The following SNAP25 variants were observed in gnomAD, a reference collection of about 807,000 sequenced individuals.
The protein encoded by SNAP25 is synaptosomal-associated protein 25.
Under a neutral mutation model 28.7 loss-of-function variants are expected in SNAP25, and 3 were observed. The ratio of observed to expected loss-of-function variants is 0.10; its 90% CI spans 0.05 to 0.27. SNAP25 has a LOEUF of 0.27. Ranked by LOEUF, SNAP25 falls within the 10% of genes least tolerant of loss-of-function variation. The pLI, the probability that SNAP25 is intolerant of heterozygous loss-of-function variation, is 1.00. For missense variants in SNAP25, 117 were observed against 278.7 expected (o/e 0.42, Z 4.13); for synonymous variants, 61 against 88.1 (o/e 0.69, Z 1.72).
At chr20:10,252,089 G>T (rs2063239730) in intron 1 of SNAP25, among the ~76,000 whole-genome samples, 1 of 152,180 alleles carries the variant, frequency 6.6e-6, no homozygotes, top group South Asian at 2.1e-4. Flanking sequence ...GCCCTGGTTT[G>T]CTCTTGGAAA....
chr20:10,244,729 CT>C (rs2063096624), intron 1 of SNAP25, among the ~76,000 whole-genome samples: 2 of 147,976 alleles, frequency 1.4e-5, no homozygotes, highest in African/African-American at 5.2e-5. Context: ...TTCTTTCTTT[CT>C]CTCTTTTTTT....
chr20:10,263,587 A>G (rs551721644), intron 1 of SNAP25, among the ~76,000 whole-genome samples: 10 of 152,294 alleles, frequency 6.6e-5, no homozygotes, highest in Admixed American at 5.9e-4. Flanking sequence ...GAGAGGAATC[A>G]TTTTGTTTAG....
At chr20:10,300,684 C>T (rs765788163) in intron 7 of SNAP25, among the ~76,000 whole-genome samples, 5 of 152,084 alleles carry the variant, frequency 3.3e-5, no homozygotes, top group African/African-American at 7.2e-5. Context: ...GTACATACTC[C>T]ATGTTAAAAA....
rs142176177 is a variant in SNAP25, at chr20:10,261,328, A to G, written c.-63-14101A>G. Among the ~76,000 whole-genome samples the G allele has an allele frequency of 2.7e-3, 416 of 152,140 alleles. 4 individuals are homozygous for G. In the Middle Eastern group the frequency reaches 0.041, roughly 15 times the overall value. ...TCCCAGGATAAAGGTACCTACACACACCCTAAATGTTCCACTTCTATTCCC... is the reference window on the plus strand; with the variant it reads ...TCCCAGGATAAAGGTACCTACACACGCCCTAAATGTTCCACTTCTATTCCC... On this transcript the variant is annotated intron_variant, in intron 1 of 7. Transcript: ENST00000254976.
At chr20:10,289,598 G>A (rs1366800897) in intron 4 of SNAP25, among the ~76,000 whole-genome samples, 2 of 151,352 alleles carry the variant, frequency 1.3e-5, no homozygotes, top group African/African-American at 4.9e-5. Flanking sequence ...ACTTAGTCAT[G>A]ATAGCCACAT....
At chr20:10,241,690 G>A (rs1020902932) in intron 1 of SNAP25, among the ~76,000 whole-genome samples, 1 of 152,138 alleles carries the variant, frequency 6.6e-6, no homozygotes, top group Non-Finnish European at 1.5e-5. Flanking sequence ...ATCAGGTGTT[G>A]CAGACAGTTC....
At chr20:10,244,860 A>C (rs1475750582) in intron 1 of SNAP25, among the ~76,000 whole-genome samples, 1 of 151,464 alleles carries the variant, frequency 6.6e-6, no homozygotes, top group Non-Finnish European at 1.5e-5. Flanking sequence ...CCTCATGAGT[A>C]GCTGGGATTA....
intron 1 of SNAP25, among the ~76,000 whole-genome samples, chr20:10,238,904 C>CT (rs1164100797): frequency 7.7e-5 from 9 of 117,042 alleles, no homozygotes; most frequent in African/African-American, 5.1e-4. Flanking sequence ...GACTCCGTTT[C>CT]AAATAATAAT....
chr20:10,307,275 A>C lies in SNAP25; in HGVS notation c.*1078A>C, dbSNP rs1402402105. The C allele has an allele frequency of 6.5e-6, 1 of 152,672 alleles. No individual in the cohort carries two copies. Among genetic ancestry groups the C allele is most frequent in the Non-Finnish European group, 1.5e-5 (1 of 68,040 alleles). The allele number at this position is 152,672 out of a possible 1,614,324, so 9.5% of individuals were successfully genotyped here. A position where few individuals can be genotyped will look rare whatever the true frequency, so the allele number is the denominator to read the frequency against. On this transcript the variant is annotated 3_prime_UTR_variant, in exon 8 of 8. Transcript: ENST00000254976. The stretch of plus-strand genomic sequence containing the variant: ...AGCTGATAAAGAAACCTTTTAAAAA[A>C]ATAATATAAATGAATGAAATATAAA...
At chr20:10,265,658 G>A (rs1339502530) in intron 1 of SNAP25, among the ~76,000 whole-genome samples, 2 of 152,210 alleles carry the variant, frequency 1.3e-5, no homozygotes, top group Admixed American at 1.3e-4. Flanking sequence ...GCCCCGTGGA[G>A]CTTTCAGTCA....
intron 1 of SNAP25, among the ~76,000 whole-genome samples, chr20:10,260,028 G>A (rs3025870): frequency 0.027 from 4,044 of 152,110 alleles, 181 homozygotes; most frequent in African/African-American, 0.093. Flanking sequence ...CCTGAAATAG[G>A]GAACTCACTT....
chr20:10,260,566 C>T (rs1600704636), intron 1 of SNAP25, among the ~76,000 whole-genome samples: 1 of 152,276 alleles, frequency 6.6e-6, no homozygotes, highest in East Asian at 1.9e-4. Flanking sequence ...GAATCACTTA[C>T]TACATCAGCA....
chr20:10,297,121 T>G, intron 6 of SNAP25, 71 bp downstream of exon 6: 13 of 1,451,118 alleles, frequency 9.0e-6, no homozygotes, highest in Non-Finnish European at 1.2e-5. Flanking sequence ...AACTGAGTGG[T>G]TTTCTAAAAA....
rs1405199657 is a variant in SNAP25, at chr20:10,293,515, G to A, written c.281+237G>A. Among the ~76,000 whole-genome samples, 1 of 152,190 alleles carries A rather than the reference G, an allele frequency of 6.6e-6. No individual in the cohort carries two copies. The highest frequency in any genetic ancestry group is 1.5e-5 in the Non-Finnish European group (1 of 68,028). On this transcript the variant is annotated intron_variant, in intron 5 of 7. Transcript: ENST00000254976. This position sits in a 1 kb window ranked among gnomAD's most constrained non-coding sequence, Gnocchi z 5.6. ...TTCACTGTCAGCAACTTTTATTGAT[G>A]AACGTTTCAACATTTTCCAGAAAGT...
At chr20:10,296,674 C>G (rs2064117242) in intron 5 of SNAP25, 1 of 463,204 alleles carries the variant, frequency 2.2e-6, no homozygotes, top group African/African-American at 2.0e-5. Flanking sequence ...CAAAACAAAC[C>G]AAAACAAGAA....
intron 1 of SNAP25, among the ~76,000 whole-genome samples, chr20:10,261,030 C>T (rs2063406074): frequency 6.6e-6 from 1 of 152,130 alleles, no homozygotes; most frequent in Non-Finnish European, 1.5e-5. Flanking sequence ...GTACAGATTA[C>T]AACTAATATA....
At chr20:10,222,117 G>A (rs146354417) in intron 1 of SNAP25, among the ~76,000 whole-genome samples, 20 of 152,294 alleles carry the variant, frequency 1.3e-4, no homozygotes, top group Admixed American at 1.2e-3. Context: ...GGTATTCACC[G>A]GATACAGAAA....
chr20:10,231,686 G>A (rs558428657), intron 1 of SNAP25: 1 of 152,224 alleles, frequency 6.6e-6, no homozygotes, highest in African/African-American at 2.4e-5. Flanking sequence ...CCAAAATTTG[G>A]ATGTACAGAT....
In SNAP25 at chr20:10,306,264, G is replaced by A; in HGVS notation, c.*67G>A. 6 of 1,433,382 alleles carry A rather than the reference G, an allele frequency of 4.2e-6. No homozygotes were observed. The Admixed American group carries it at 8.6e-5, about 21-fold the overall frequency. 88.8% of individuals were successfully genotyped at this position (1,433,382 alleles called of 1,614,324 possible). On this transcript the variant is annotated 3_prime_UTR_variant, in exon 8 of 8. Transcript: ENST00000254976. Reference sequence around the variant, plus strand: ...ATAGCTCCTTCATGCTTTTCTCATGGTATTATCTAGTAGGTCTGCACACAT... The same window carrying A: ...ATAGCTCCTTCATGCTTTTCTCATGATATTATCTAGTAGGTCTGCACACAT...
Sources: gnomAD v4.1 joint callset for allele counts (sites outside exome capture counted in the v4.1 genomes callset) on GRCh38, gnomAD v4.1.1 for gene constraint, Gnocchi (gnomAD v3.1) non-coding constraint, MANE v1.5 for transcripts, NCBI Gene and HGNC (gene_info 2026-07-23, HGNC 2026-07-21) for gene names.